Variants in SLC24A2 observed in about 807,000 individuals in gnomAD.
SLC24A2 encodes the protein solute carrier family 24 member 2.
SLC24A2 carries 36 observed loss-of-function variants against 62.0 expected under a neutral mutation model. That is an observed-to-expected ratio of 0.58 (90% confidence interval 0.44 to 0.77). The LOEUF is 0.77. SLC24A2 is among the 30% of genes least tolerant of loss of function. SLC24A2 has a pLI of 0.00. For synonymous variants in SLC24A2, 358 were observed against 294.0 expected, an observed-to-expected ratio of 1.22 and a Z score of -2.23; for missense variants, 846 against 817.9, an observed-to-expected ratio of 1.03 and a Z score of -0.42.
At chr9:20,108,337 C>T in the SLC24A2 span, among the ~76,000 whole-genome samples, 4 of 152,096 alleles carry the variant, frequency 2.6e-5, no homozygotes, top group Non-Finnish European at 5.9e-5. Flanking sequence ...ACCCAGCCAT[C>T]CCATTACTGG....
At position 19,707,992 on chromosome 9, in the gene SLC24A2, G is replaced by A. The variant is rs574050497; in HGVS notation, c.930+77945C>T. Among the ~76,000 whole-genome samples, 742 of 152,242 alleles carry A rather than the reference G, an allele frequency of 4.9e-3. 3 individuals are homozygous for A. The highest frequency in any genetic ancestry group is 0.017 in the African/African-American group (699 of 41,542). ...CCCTGTTTGCAGATGACATGACTGT[G>A]TATCTATAAAACCCCATTGTCTCAG... On this transcript the variant is annotated intron_variant, in intron 2 of 10. Coordinates refer to ENST00000341998, the MANE Select transcript of SLC24A2 (RefSeq NM_020344.4).
chr9:20,296,702 T>C, the SLC24A2 span, among the ~76,000 whole-genome samples: 2 of 152,234 alleles, frequency 1.3e-5, no homozygotes, highest in Non-Finnish European at 2.9e-5. Context: ...CGTCAAAAGA[T>C]TGAGGTTGCC....
intron 2 of SLC24A2, among the ~76,000 whole-genome samples, chr9:19,684,683 G>T (rs1309267942): frequency 2.7e-5 from 4 of 150,030 alleles, no homozygotes; most frequent in Non-Finnish European, 5.9e-5. Flanking sequence ...GAAGAAAGTA[G>T]GTATATAAGA....
intron 2 of SLC24A2, among the ~76,000 whole-genome samples, chr9:19,699,926 TAG>T (rs1285270024): frequency 6.6e-6 from 1 of 152,120 alleles, no homozygotes; most frequent in African/African-American, 2.4e-5. Flanking sequence ...ACGGGTGCAC[TAG>T]AGAGGTCCTG....
the SLC24A2 span, among the ~76,000 whole-genome samples, chr9:19,850,967 G>GTATATATATA: frequency 1.1e-4 from 2 of 18,192 alleles, no homozygotes; most frequent in South Asian, 2.2e-3. Context: ...ATATATATAT[G>GTATATATATA]TATATATATA....
At chr9:19,930,385 G>C in the SLC24A2 span, among the ~76,000 whole-genome samples, 1 of 152,170 alleles carries the variant, frequency 6.6e-6, no homozygotes, top group Admixed American at 6.5e-5. Flanking sequence ...ATGGTGTACA[G>C]ATCTGTAGCC....
chr9:19,775,779 G>A (rs1305345580), intron 2 of SLC24A2, among the ~76,000 whole-genome samples: 1 of 152,198 alleles, frequency 6.6e-6, no homozygotes, highest in African/African-American at 2.4e-5. Context: ...CCACATCAGT[G>A]CATTCCGCTC....
the SLC24A2 span, among the ~76,000 whole-genome samples, chr9:20,274,973 C>T: frequency 6.6e-6 from 1 of 151,652 alleles, no homozygotes; most frequent in Non-Finnish European, 1.5e-5. Context: ...TCCCTCAATC[C>T]CCACCTCAGT....
chr9:19,613,901 C>T (rs143058033), intron 4 of SLC24A2, among the ~76,000 whole-genome samples: 544 of 152,298 alleles, frequency 3.6e-3, no homozygotes, highest in Non-Finnish European at 6.5e-3. Flanking sequence ...GGCATAGAGC[C>T]ATAGCCTCTT....
chr9:19,763,724 T>C (rs577583643), intron 2 of SLC24A2, among the ~76,000 whole-genome samples: 56 of 152,344 alleles, frequency 3.7e-4, no homozygotes, highest in Admixed American at 1.2e-3. Flanking sequence ...CAGCATTTTA[T>C]TGAGGATTTT....
intron 2 of SLC24A2, among the ~76,000 whole-genome samples, chr9:19,696,087 G>A (rs1435178106): frequency 1.3e-5 from 2 of 152,108 alleles, no homozygotes; most frequent in African/African-American, 4.8e-5. Context: ...CAGATCAGTG[G>A]TGGCATTAGA....
the SLC24A2 span, among the ~76,000 whole-genome samples, chr9:20,110,330 A>G: frequency 6.6e-6 from 1 of 152,160 alleles, no homozygotes; most frequent in Non-Finnish European, 1.5e-5. Context: ...AGTTGACCCA[A>G]TTGTGTTAGG....
At chr9:19,882,556 A>G in the SLC24A2 span, among the ~76,000 whole-genome samples, 1 of 151,918 alleles carries the variant, frequency 6.6e-6, no homozygotes, top group Admixed American at 6.6e-5. Flanking sequence ...AAGAAATGGC[A>G]TGGAAATCAC....
At chr9:19,733,000 C>G (rs903047019) in intron 2 of SLC24A2, among the ~76,000 whole-genome samples, 6 of 151,914 alleles carry the variant, frequency 3.9e-5, no homozygotes, top group African/African-American at 7.3e-5. Flanking sequence ...TAGACCATTT[C>G]AGGCCCAATT....
the SLC24A2 span, among the ~76,000 whole-genome samples, chr9:20,211,474 T>C: frequency 4.6e-5 from 7 of 152,136 alleles, no homozygotes; most frequent in Admixed American, 2.0e-4. Context: ...ATCACACCAT[T>C]GCACTCCAGC....
the SLC24A2 span, among the ~76,000 whole-genome samples, chr9:20,301,696 C>T: frequency 6.6e-6 from 1 of 152,034 alleles, no homozygotes; most frequent in South Asian, 2.1e-4. Context: ...TATCAACATC[C>T]CCCACCAGCG....
At chr9:19,715,092 A>AATC (rs1341674540) in intron 2 of SLC24A2, among the ~76,000 whole-genome samples, 4 of 152,110 alleles carry the variant, frequency 2.6e-5, no homozygotes, top group African/African-American at 9.7e-5. Flanking sequence ...TAATAATAAT[A>AATC]ATCAGGAAAT....
the SLC24A2 span, among the ~76,000 whole-genome samples, chr9:20,206,896 C>T: frequency 9.4e-5 from 14 of 148,594 alleles, no homozygotes; most frequent in Non-Finnish European, 1.6e-4. Flanking sequence ...GGGGCGGTTA[C>T]GGATCTTCAT....
the SLC24A2 span, among the ~76,000 whole-genome samples, chr9:19,867,473 TGTC>T: frequency 6.6e-6 from 1 of 152,220 alleles, no homozygotes; most frequent in African/African-American, 2.4e-5. Context: ...AGCATACAAT[TGTC>T]GTAATATTCC....
Sources: gnomAD v4.1 joint callset for allele counts (sites outside exome capture counted in the v4.1 genomes callset) on GRCh38, gnomAD v4.1.1 for gene constraint, MANE v1.5 for transcripts, NCBI Gene and HGNC (gene_info 2026-07-23, HGNC 2026-07-21) for gene names.